The following QTMAN variants were observed in gnomAD, a reference collection of about 807,000 sequenced individuals.
QTMAN encodes queuosine-tRNA mannosyltransferase.
the QTMAN span, chr2:143,941,659 A>G: frequency 6.7e-6 from 1 of 150,264 alleles, no homozygotes; most frequent in Non-Finnish European, 1.5e-5. Context: ...TGGGCGACAG[A>G]GCCAGACTCT....
the QTMAN span, among the ~76,000 whole-genome samples, chr2:144,118,027 T>C: frequency 6.6e-6 from 1 of 152,060 alleles, no homozygotes; most frequent in Non-Finnish European, 1.5e-5. Context: ...TTTGTATTTT[T>C]AGTAGAGAGG....
chr2:144,259,971 G>C, the QTMAN span, among the ~76,000 whole-genome samples: 1 of 152,108 alleles, frequency 6.6e-6, no homozygotes, highest in Non-Finnish European at 1.5e-5. Flanking sequence ...TGCACAGCGT[G>C]ACAAGTTACA....
the QTMAN span, among the ~76,000 whole-genome samples, chr2:144,047,131 C>T: frequency 2.0e-5 from 3 of 152,046 alleles, no homozygotes; most frequent in South Asian, 2.1e-4. Context: ...ATTAGCCAGG[C>T]ACGGTGGTGT....
the QTMAN span, among the ~76,000 whole-genome samples, chr2:144,147,145 C>G: frequency 6.6e-6 from 1 of 151,666 alleles, no homozygotes; most frequent in Non-Finnish European, 1.5e-5. Flanking sequence ...GCATATATCA[C>G]AAGTAGGAAT....
the QTMAN span, among the ~76,000 whole-genome samples, chr2:143,973,360 T>C: frequency 6.6e-6 from 1 of 152,184 alleles, no homozygotes; most frequent in African/African-American, 2.4e-5. Flanking sequence ...TTATTACTTA[T>C]AGTATGCTTT....
the QTMAN span, among the ~76,000 whole-genome samples, chr2:143,996,191 C>T: frequency 6.6e-6 from 1 of 152,056 alleles, no homozygotes; most frequent in African/African-American, 2.4e-5. Context: ...TGTTTAAGGT[C>T]CCAAGCCAAA....
At chr2:144,055,678 G>C in the QTMAN span, among the ~76,000 whole-genome samples, 8 of 152,114 alleles carry the variant, frequency 5.3e-5, no homozygotes, top group African/African-American at 1.9e-4. Flanking sequence ...ACTGAGTGCA[G>C]CTAGAAGGGC....
chr2:144,151,393 C>A, the QTMAN span, among the ~76,000 whole-genome samples: 1 of 151,896 alleles, frequency 6.6e-6, no homozygotes, highest in Non-Finnish European at 1.5e-5. Context: ...TTATGTAATT[C>A]ATGCATATTT....
the QTMAN span, among the ~76,000 whole-genome samples, chr2:144,233,908 A>G: frequency 6.6e-6 from 1 of 152,102 alleles, no homozygotes; most frequent in Non-Finnish European, 1.5e-5. Flanking sequence ...TCATATAGTT[A>G]CCTGTTTAAG....
At chr2:144,195,350 T>G in the QTMAN span, among the ~76,000 whole-genome samples, 2 of 152,156 alleles carry the variant, frequency 1.3e-5, no homozygotes, top group African/African-American at 4.8e-5. Context: ...TCCTCTCAGA[T>G]TTAGACATCT....
chr2:144,305,887 T>C, the QTMAN span, among the ~76,000 whole-genome samples: 1 of 152,372 alleles, frequency 6.6e-6, no homozygotes, highest in East Asian at 1.9e-4. Flanking sequence ...AATTGATTTC[T>C]GTATATTGCT....
chr2:144,091,191 C>T, the QTMAN span, among the ~76,000 whole-genome samples: 2 of 152,004 alleles, frequency 1.3e-5, no homozygotes, highest in Non-Finnish European at 2.9e-5. Flanking sequence ...TTCATACCTC[C>T]CACCATATAT....
the QTMAN span, among the ~76,000 whole-genome samples, chr2:143,964,976 T>C: frequency 6.6e-6 from 1 of 152,166 alleles, no homozygotes; most frequent in South Asian, 2.1e-4. Flanking sequence ...AATAATATTT[T>C]GTTTAGAATT....
chr2:144,273,734 AT>A, the QTMAN span, among the ~76,000 whole-genome samples: 12 of 152,204 alleles, frequency 7.9e-5, no homozygotes, highest in Non-Finnish European at 1.3e-4. Flanking sequence ...CTGAATTTAA[AT>A]TATAGAATTC....
At chr2:143,948,568 T>C in the QTMAN span, among the ~76,000 whole-genome samples, 1 of 152,168 alleles carries the variant, frequency 6.6e-6, no homozygotes, top group Non-Finnish European at 1.5e-5. Context: ...TGTACTCTTA[T>C]ATTCATTTCT....
the QTMAN span, among the ~76,000 whole-genome samples, chr2:144,018,849 C>G: frequency 6.6e-6 from 1 of 152,140 alleles, no homozygotes; most frequent in South Asian, 2.1e-4. Flanking sequence ...GATGAGAACC[C>G]AGCCCTAGAA....
the QTMAN span, among the ~76,000 whole-genome samples, chr2:144,026,763 G>A: frequency 1.3e-5 from 2 of 152,148 alleles, no homozygotes; most frequent in African/African-American, 2.4e-5. Context: ...GCTAATTTAT[G>A]TAAAGCACTT....
the QTMAN span, among the ~76,000 whole-genome samples, chr2:144,109,600 T>C: frequency 6.6e-6 from 1 of 151,248 alleles, no homozygotes; most frequent in Non-Finnish European, 1.5e-5. Context: ...ACCATCAGAG[T>C]GAACAGGCAA....
the QTMAN span, among the ~76,000 whole-genome samples, chr2:144,104,310 A>AT: frequency 6.6e-6 from 1 of 152,226 alleles, no homozygotes; most frequent in Non-Finnish European, 1.5e-5. Flanking sequence ...AGGGCGAGGC[A>AT]TCCCCTCACC....
Sources: allele counts gnomAD v4.1 joint callset (sites outside exome capture counted in the v4.1 genomes callset), GRCh38; gene constraint gnomAD v4.1.1; transcripts MANE v1.5; gene names NCBI Gene and HGNC (gene_info 2026-07-23, HGNC 2026-07-21).